Variants in DISP1 observed in about 807,000 individuals in gnomAD.
DISP1 encodes protein dispatched homolog 1.
In DISP1, 30 loss-of-function variants were observed where a neutral mutation model predicts 37.3. The ratio of observed to expected loss-of-function variants is 0.80; its 90% CI spans 0.60 to 1.09. The LOEUF is 1.09. Ranked by LOEUF, DISP1 falls within the 50% of genes least tolerant of loss-of-function variation. DISP1 has a pLI of 0.00. For synonymous variants in DISP1, 634 were observed against 690.2 expected (o/e 0.92, Z 1.28); for missense variants, 1,598 against 1,879.5 (o/e 0.85, Z 2.77).
intron 4 of DISP1, among the ~76,000 whole-genome samples, chr1:222,984,790 C>G (rs1678151552): frequency 6.6e-6 from 1 of 152,058 alleles, no homozygotes; most frequent in African/African-American, 2.4e-5. Flanking sequence ...ATTAACTCCC[C>G]ATTTTCTCCT....
At chr1:222,991,227 A>G (rs746445728) in intron 5 of DISP1, among the ~76,000 whole-genome samples, 1 of 152,266 alleles carries the variant, frequency 6.6e-6, no homozygotes, top group African/African-American at 2.4e-5. Context: ...CATAATTTTT[A>G]TAAGATAAAA....
At chr1:222,951,614 AC>A (rs1222622308) in intron 3 of DISP1, among the ~76,000 whole-genome samples, 1 of 152,194 alleles carries the variant, frequency 6.6e-6, no homozygotes, top group Non-Finnish European at 1.5e-5. Context: ...TACTCAGATC[AC>A]CCAGAGTCCA....
chr1:222,843,569 G>GT, intron 1 of DISP1, among the ~76,000 whole-genome samples: 1 of 150,974 alleles, frequency 6.6e-6, no homozygotes, highest in Non-Finnish European at 1.5e-5. Context: ...AGGATGGGGG[G>GT]GGGAAATTTC....
intron 3 of DISP1, among the ~76,000 whole-genome samples, chr1:222,950,616 T>C (rs895855251): frequency 4.7e-5 from 7 of 149,404 alleles, no homozygotes; most frequent in African/African-American, 1.5e-4. Flanking sequence ...AAAAAACCCA[T>C]GTGAGAAAGG....
At chr1:222,889,035 G>T (rs982899905) in intron 1 of DISP1, among the ~76,000 whole-genome samples, 3 of 152,082 alleles carry the variant, frequency 2.0e-5, no homozygotes, top group South Asian at 2.1e-4. Context: ...TCAGTTTTTT[G>T]TGTGTTGGGA....
intron 1 of DISP1, among the ~76,000 whole-genome samples, chr1:222,819,799 C>A (rs1281268653): frequency 1.3e-5 from 2 of 151,984 alleles, no homozygotes; most frequent in African/African-American, 4.8e-5. Flanking sequence ...TCTCAGCCTC[C>A]CAAAGTGCTG....
At position 222,990,718 on chromosome 1, in the gene DISP1, A is replaced by G. The variant is rs775317392; in HGVS notation, c.633A>G (p.Pro211=). 6.2e-7 allele frequency: 1 copy of G among 1,614,188 alleles called. No individual in the cohort carries two copies. The highest frequency in any genetic ancestry group is 2.2e-5 in the East Asian group (1 of 44,888). ...VVCALVGVLV[P]ELPDFSDPLL... ...GTGCCTTGGTTGGAGTATTAGTGCC[A>G]GAGCTCCCTGACTTCTCTGATCCAT... is the stretch of plus-strand genomic sequence containing the variant. Residue 211 remains proline (P), a synonymous_variant, in exon 5 of 9, where the codon CCA becomes CCG. Transcript: ENST00000675850.
At chr1:222,989,380 G>A (rs1678519703) in intron 4 of DISP1, 2 of 985,302 alleles carry the variant, frequency 2.0e-6, no homozygotes, top group Non-Finnish European at 2.4e-6. Flanking sequence ...AAGTTTGCAG[G>A]ATGCATTTTG....
intron 1 of DISP1, among the ~76,000 whole-genome samples, chr1:222,903,305 G>C (rs183413787): frequency 0.015 from 1,730 of 118,094 alleles, 46 homozygotes; most frequent in African/African-American, 0.052. Context: ...TTGTGGGGTG[G>C]GGGGAGGGGG....
intron 1 of DISP1, among the ~76,000 whole-genome samples, chr1:222,894,342 G>T (rs1179265426): frequency 6.6e-6 from 1 of 152,120 alleles, no homozygotes; most frequent in Non-Finnish European, 1.5e-5. Flanking sequence ...CTGCAGAGAG[G>T]CACCTGCAGG....
At chr1:222,824,020 T>G (rs1458876765) in intron 1 of DISP1, 1 of 152,106 alleles carries the variant, frequency 6.6e-6, no homozygotes, top group African/African-American at 2.4e-5. Context: ...GTTTGTTTAT[T>G]TAAATACTCT....
chr1:222,939,830 C>CAA (rs1327970273), intron 2 of DISP1, among the ~76,000 whole-genome samples: 1 of 114,074 alleles, frequency 8.8e-6, no homozygotes, highest in Non-Finnish European at 1.8e-5. Flanking sequence ...GAGATCCTGT[C>CAA]AAAAAAAAAA....
chr1:222,903,379 C>T (rs1427461193), intron 1 of DISP1, among the ~76,000 whole-genome samples: 1 of 150,392 alleles, frequency 6.6e-6, no homozygotes. Context: ...AGTACACCAA[C>T]GTGGCATATG....
chr1:222,944,177 GA>G (rs1674594422), intron 3 of DISP1, among the ~76,000 whole-genome samples: 1 of 152,214 alleles, frequency 6.6e-6, no homozygotes, highest in Non-Finnish European at 1.5e-5. Flanking sequence ...CTTCATAGCA[GA>G]TAAAACCTGT....
intron 3 of DISP1, among the ~76,000 whole-genome samples, chr1:222,968,369 T>C (rs1421988950): frequency 6.6e-6 from 1 of 152,200 alleles, no homozygotes; most frequent in African/African-American, 2.4e-5. Flanking sequence ...ACCAGTTAAC[T>C]GAGAGATTTC....
chr1:222,875,654 TAAAAAAAAA>T (rs1161033639), intron 1 of DISP1, among the ~76,000 whole-genome samples: 2 of 93,680 alleles, frequency 2.1e-5, no homozygotes, highest in East Asian at 3.0e-4. Context: ...CTGTCTCTAC[TAAAAAAAAA>T]AAAAAAAAAA....
intron 1 of DISP1, chr1:222,836,892 C>T (rs1667208916): frequency 7.7e-6 from 3 of 390,370 alleles, no homozygotes; most frequent in Non-Finnish European, 1.4e-5. Context: ...AGGTAAATAA[C>T]TCTGATTTTC....
Position 222,866,782 on chromosome 1 carries a change from C to T in DISP1, c.-159+51704C>T, listed in dbSNP as rs76447775. On this transcript the variant is annotated intron_variant, in intron 1 of 8. Transcript: ENST00000675850. ...TTAAATAACTCATTGCCACTCCTTT[C>T]CTATACATTTGCAGTTTGGCAAGCT... Among the ~76,000 whole-genome samples, 2,201 of 152,276 alleles carry T rather than the reference C, an allele frequency of 0.014. 160 individuals are homozygous for T. In the East Asian group the frequency reaches 0.23, roughly 16 times the overall value.
At chr1:222,991,433 C>T (rs1003814359) in intron 5 of DISP1, 87 bp from the exon 6 acceptor site, 3 of 1,535,848 alleles carry the variant, frequency 2.0e-6, no homozygotes, top group African/African-American at 2.7e-5. Flanking sequence ...CTATATATCA[C>T]TTTGACATTG....
Sources: gnomAD v4.1 joint callset for allele counts (sites outside exome capture counted in the v4.1 genomes callset) on GRCh38, gnomAD v4.1.1 for gene constraint, MANE v1.5 for transcripts, NCBI Gene and HGNC (gene_info 2026-07-23, HGNC 2026-07-21) for gene names.